The following PSMD10 variants were observed in gnomAD, a reference collection of about 807,000 sequenced individuals.
The protein encoded by PSMD10 is 26S proteasome non-ATPase regulatory subunit 10.
PSMD10 carries 2 observed loss-of-function variants against 13.2 expected under a neutral mutation model. The observed-to-expected ratio is 0.15, with a 90% CI of 0.06 to 0.48. The LOEUF is 0.48. PSMD10 is among the 20% of genes least tolerant of loss of function. PSMD10 has a pLI of 0.97. For missense variants in PSMD10, 120 were observed against 167.4 expected (o/e 0.72, Z 1.56); for synonymous variants, 66 against 64.4 (o/e 1.03, Z -0.12).
chrX:108,089,706 G>A lies in PSMD10; in HGVS notation c.115-856C>T, dbSNP rs187960016. On this transcript the variant is annotated intron_variant, in intron 1 of 4. Transcript: ENST00000217958. Reference sequence around the variant, plus strand: ...AAGTTAGCCAGGCGTGGTGGCAGGCGCCTGTAATCCCAGCTACTTGGGAGG... The same window carrying A: ...AAGTTAGCCAGGCGTGGTGGCAGGCACCTGTAATCCCAGCTACTTGGGAGG... Among the ~76,000 whole-genome samples, 501 of 110,255 alleles carry A rather than the reference G, an allele frequency of 4.5e-3. 6 individuals carry two copies. The highest frequency in any genetic ancestry group is 0.016 in the African/African-American group (473 of 30,338).
chrX:108,084,946 A>G lies in PSMD10; in HGVS notation c.*28T>C. On this transcript the variant is annotated 3_prime_UTR_variant, in exon 5 of 5. Coordinates refer to ENST00000217958, the MANE Select transcript of PSMD10 (RefSeq NM_002814.4). ...AGGACACTGGGGACAACAACACAAC[A>G]TACAAAGTAAGAATAAATCCAAGCT... 8.5e-7 allele frequency: 1 copy of G among 1,174,602 alleles called. No homozygotes were observed. The highest frequency in any genetic ancestry group is 3.0e-5 in the East Asian group (1 of 33,018).
Position 108,087,801 on chromosome X carries a change from A to G in PSMD10, c.412T>C (p.Tyr138His), listed in dbSNP as rs2031514979. The G allele has an allele frequency of 1.7e-6, 2 of 1,210,019 alleles. No homozygotes were observed. Among genetic ancestry groups the G allele is most frequent in the African/African-American group, 3.5e-5 (2 of 57,117 alleles). Residue 138 changes from tyrosine (Y) to histidine (H), a missense_variant, in exon 4 of 5, where the codon TAT (tyrosine) becomes CAT (histidine). By Grantham distance (83) the Tyr-to-His change is moderately conservative (BLOSUM62 2). Coordinates refer to ENST00000217958, the MANE Select transcript of PSMD10 (RefSeq NM_002814.4). Reference protein sequence around the residue: ...GGANPDAKDHYEATAMHRAAA... With the variant: ...GGANPDAKDHHEATAMHRAAA... ...GCCCGGTGCATTGCTGTAGCCTCAT[A>G]ATGGTCCTTAGCATCTGGATTAGCC...
In PSMD10 at chrX:108,088,788, C is replaced by A; in HGVS notation, c.177G>T (p.Leu59Phe). The A allele has an allele frequency of 5.8e-6, 7 of 1,205,475 alleles. No homozygotes were observed. The highest frequency in any genetic ancestry group is 6.7e-6 in the Non-Finnish European group (6 of 890,656). The change falls in exon 2 of 5, where the codon TTG (leucine) becomes TTT (phenylalanine). Residue 59 changes from leucine (L) to phenylalanine (F), a missense_variant. Around this residue, in one of 3 missense-constraint regions of PSMD10, gnomAD observed 68 missense variants for 124.8 expected, o/e 0.54. Transcript: ENST00000217958. ...CATTCACTGGCACTCCAAGTTGCAA[C>A]AAAAATTCAACAATTTCTGTATGTC... ...SAGHTEIVEF[L>F]LQLGVPVNDK...
intron 2 of PSMD10, chrX:108,088,380 G>A (rs1257072735): frequency 3.0e-6 from 1 of 334,905 alleles, no homozygotes; most frequent in Non-Finnish European, 5.1e-6. Flanking sequence ...GGTCTTTTAG[G>A]GTTCACCATA....
chrX:108,084,962 A>G lies in PSMD10; in HGVS notation c.*12T>C. The G allele has an allele frequency of 8.4e-7, 1 of 1,187,966 alleles. No homozygotes were observed. Among genetic ancestry groups the G allele is most frequent in the Non-Finnish European group, 1.1e-6 (1 of 884,962 alleles). On this transcript the variant is annotated 3_prime_UTR_variant, in exon 5 of 5. Coordinates refer to ENST00000217958, the MANE Select transcript of PSMD10 (RefSeq NM_002814.4). ...CAACACAACATACAAAGTAAGAATAAATCCAAGCTGTTTAACCTTCCACCA... is the reference window on the plus strand; with the variant it reads ...CAACACAACATACAAAGTAAGAATAGATCCAAGCTGTTTAACCTTCCACCA...
intron 4 of PSMD10, chrX:108,087,238 T>C (rs2031507613): frequency 8.9e-6 from 1 of 112,801 alleles, no homozygotes; most frequent in African/African-American, 3.3e-5. Flanking sequence ...CAATGTACCA[T>C]TATTTATAAT....
At chrX:108,086,176 G>T (rs2031495246) in intron 4 of PSMD10, among the ~76,000 whole-genome samples, 1 of 112,217 alleles carries the variant, frequency 8.9e-6, no homozygotes, top group Non-Finnish European at 1.9e-5. Context: ...TCAAGAAAAA[G>T]TCACCATTCA....
In PSMD10 at chrX:108,084,444, A is replaced by T. The variant is rs1253576608; in HGVS notation, c.*530T>A. 1 of 112,835 alleles carries T rather than the reference A, an allele frequency of 8.9e-6. No homozygotes were observed. The highest frequency in any genetic ancestry group is 1.9e-5 in the Non-Finnish European group (1 of 53,401). 9.3% of individuals were successfully genotyped at this position (112,835 alleles called of 1,213,427 possible). On this transcript the variant is annotated 3_prime_UTR_variant, in exon 5 of 5. Coordinates refer to ENST00000217958, the MANE Select transcript of PSMD10 (RefSeq NM_002814.4). Reference sequence around the variant, plus strand: ...ATTTTAGAGCACACCATCCAACTTAAAATGTGGTCCACTAAAATATGTAAA... The same window carrying T: ...ATTTTAGAGCACACCATCCAACTTATAATGTGGTCCACTAAAATATGTAAA...
At chrX:108,087,435 AT>A (rs1459652520) in intron 4 of PSMD10, 1 of 311,159 alleles carries the variant, frequency 3.2e-6, no homozygotes, top group Non-Finnish European at 5.3e-6. Context: ...TTGCTAAAAA[AT>A]ATGTATGTAT....
chrX:108,085,013 A>G lies in PSMD10; in HGVS notation c.642T>C (p.Gly214=). Residue 214 remains glycine (G), a synonymous_variant, in exon 5 of 5, where the codon GGT becomes GGC. Coordinates refer to ENST00000217958, the MANE Select transcript of PSMD10 (RefSeq NM_002814.4). ...TTCTCTTGAGTATTAAACCCAGGCC[A>G]CCTTTGGCCACTTGCAGGGGTGTCT... ...EEKTPLQVAK[G]GLGLILKRMV... The G allele has an allele frequency of 8.3e-7, 1 of 1,208,412 alleles. No individual in the cohort carries two copies. The highest frequency in any genetic ancestry group is 1.1e-6 in the Non-Finnish European group (1 of 893,992).
At chrX:108,090,691 A>AC (rs772883201) in intron 1 of PSMD10, among the ~76,000 whole-genome samples, 1 of 112,244 alleles carries the variant, frequency 8.9e-6, no homozygotes, top group African/African-American at 3.2e-5. Flanking sequence ...TACTAAAGGC[A>AC]CCATGAATCC....
rs1424550496 is a variant in PSMD10, at chrX:108,084,552, A to G, written c.*422T>C. 1.7e-5 allele frequency: 2 copies of G among 115,221 alleles called. No individual in the cohort carries two copies. The highest frequency in any genetic ancestry group is 6.4e-5 in the African/African-American group (2 of 31,272). 9.5% of individuals were successfully genotyped at this position (115,221 alleles called of 1,213,427 possible). ...TGGCGTAGGCCTGAGTGAGCTTGAA[A>G]AACAAGTTAGGATGTTTTAACTGTA... is the stretch of plus-strand genomic sequence containing the variant. On this transcript the variant is annotated 3_prime_UTR_variant, in exon 5 of 5. Coordinates refer to ENST00000217958, the MANE Select transcript of PSMD10 (RefSeq NM_002814.4).
Position 108,088,059 on chromosome X carries a change from C to T in PSMD10, c.254G>A (p.Arg85Gln), listed in dbSNP as rs777504614. ...SPLHIAASAG[R>Q]DEIVKALLGK... Reference sequence around the variant, plus strand: ...CAGAAGGGCTTTTACAATCTCATCCCGGCCAGCAGAAGCCGCAATATGAAG... The same window carrying T: ...CAGAAGGGCTTTTACAATCTCATCCTGGCCAGCAGAAGCCGCAATATGAAG... Residue 85 changes from arginine (R) to glutamine (Q), a missense_variant, in exon 3 of 5, where the codon CGG becomes CAG. Physicochemically the swap from Arg to Gln is conservative, Grantham distance 43. Transcript: ENST00000217958. 7.4e-6 allele frequency: 9 copies of T among 1,208,927 alleles called. No individual in the cohort carries two copies. Among genetic ancestry groups the T allele is most frequent in the Middle Eastern group, 2.3e-4 (1 of 4,350 alleles).
In PSMD10 at chrX:108,084,676, G is replaced by T; in HGVS notation, c.*298C>A. 5.3e-6 allele frequency: 1 copy of T among 187,910 alleles called. No homozygotes were observed. Among genetic ancestry groups the T allele is most frequent in the East Asian group, 1.1e-4 (1 of 9,247 alleles). The allele number at this position is 187,910 out of a possible 1,213,427, so 15.5% of individuals were successfully genotyped here. A position where few individuals can be genotyped will look rare whatever the true frequency, so the allele number is the denominator to read the frequency against. On this transcript the variant is annotated 3_prime_UTR_variant, in exon 5 of 5. Coordinates refer to ENST00000217958, the MANE Select transcript of PSMD10 (RefSeq NM_002814.4). ...TTTCAGAGAGGGATATAAGGTACATGGGAGGGTGCTGAAGACTCACAACAG... is the reference window on the plus strand; with the variant it reads ...TTTCAGAGAGGGATATAAGGTACATTGGAGGGTGCTGAAGACTCACAACAG...
At chrX:108,089,324 T>C (rs868372744) in intron 1 of PSMD10, among the ~76,000 whole-genome samples, 10 of 111,319 alleles carry the variant, frequency 9.0e-5, no homozygotes, top group Non-Finnish European at 1.3e-4. Context: ...AATGGTGAAG[T>C]TGGGGCACAA....
At position 108,088,096 on chromosome X, in the gene PSMD10, C is replaced by T. The variant is rs762953185; in HGVS notation, c.217G>A (p.Gly73Ser). The T allele has an allele frequency of 2.5e-6, 3 of 1,199,806 alleles. No homozygotes were observed. The highest frequency in any genetic ancestry group is 3.4e-6 in the Non-Finnish European group (3 of 888,898). Residue 73 changes from glycine (G) to serine (S), a missense_variant, in exon 3 of 5, where the codon GGT becomes AGT. By Grantham distance (56) the Gly-to-Ser change is moderately conservative. This residue lies in a region of PSMD10 where 68 missense variants were observed against 124.8 expected (regional missense o/e 0.54). Coordinates refer to ENST00000217958, the MANE Select transcript of PSMD10 (RefSeq NM_002814.4). ...GVPVNDKDDA[G>S]WSPLHIAASA... ...GCCGCAATATGAAGAGGAGACCAAC[C>T]TGCCTATAAAAGAAGTAGGTAGTAG...
In PSMD10 at chrX:108,088,051, T is replaced by C; in HGVS notation, c.262A>G (p.Ile88Val). ...CCTTTTCCCAGAAGGGCTTTTACAA[T>C]CTCATCCCGGCCAGCAGAAGCCGCA... ...HIAASAGRDEIVKALLGKGAQ... is the reference protein window; with the variant it reads ...HIAASAGRDEVVKALLGKGAQ... The change falls in exon 3 of 5, where the codon ATT (isoleucine) becomes GTT (valine). Residue 88 changes from isoleucine (I) to valine (V), a missense_variant. Transcript: ENST00000217958. 2 of 1,209,105 alleles carry C rather than the reference T, an allele frequency of 1.7e-6. No individual in the cohort carries two copies. Among genetic ancestry groups the C allele is most frequent in the Non-Finnish European group, 2.2e-6 (2 of 893,993 alleles).
At chrX:108,087,601 G>C (rs1473789486) in intron 4 of PSMD10, 85 bp downstream of exon 4, 1 of 1,108,417 alleles carries the variant, frequency 9.0e-7, no homozygotes, top group East Asian at 3.0e-5. Flanking sequence ...TTTATAAGCA[G>C]AATAAAAAAA....
chrX:108,088,600 C>T (rs766666891), intron 2 of PSMD10, 152 bp downstream of exon 2: 1 of 464,028 alleles, frequency 2.2e-6, no homozygotes, highest in African/African-American at 2.4e-5. Context: ...AACCATGAGT[C>T]TCATGCTTGA....
Sources: allele counts gnomAD v4.1 joint callset (sites outside exome capture counted in the v4.1 genomes callset), GRCh38; gene constraint gnomAD v4.1.1; regional missense constraint gnomAD v4.1.1; transcripts MANE v1.5; gene names NCBI Gene and HGNC (gene_info 2026-07-23, HGNC 2026-07-21).